KIAA1671: variants seen among roughly 807,000 people sequenced by gnomAD.
KIAA1671 encodes the protein KIAA1671.
KIAA1671 carries 52 observed loss-of-function variants against 131.2 expected under a neutral mutation model. That is an observed-to-expected ratio of 0.40 (90% CI 0.32 to 0.50). The LOEUF (loss-of-function observed/expected upper bound fraction) is 0.50. Among genes scored for constraint, KIAA1671 ranks in the 20% least tolerant of loss-of-function variants. KIAA1671 has a pLI of 0.73. For missense variants in KIAA1671, 2,360 were observed against 2,364.2 expected, an observed-to-expected ratio of 1.00 and a Z score of 0.04; for synonymous variants, 1,003 against 961.6, an observed-to-expected ratio of 1.04 and a Z score of -0.80.
Position 25,116,986 on chromosome 22 carries a change from G to A in KIAA1671, c.4531-53834G>A, listed in dbSNP as rs984352486. 3.9e-4 allele frequency among the ~76,000 whole-genome samples: 60 copies of A among 152,128 alleles called. 1 individual carries two copies. Among genetic ancestry groups the A allele is most frequent in the African/African-American group, 1.4e-3 (60 of 41,410 alleles). On this transcript the variant is annotated intron_variant, in intron 6 of 12. Coordinates refer to ENST00000358431, the MANE Select transcript of KIAA1671 (RefSeq NM_001145206.2). ...TAATGATATATTGGGCTACATAATT[G>A]TTTATGGCTGTGGGGGGTAAGGGGT... is the stretch of plus-strand genomic sequence containing the variant.
rs116905458 is a variant in KIAA1671 at position 25,117,454 on chromosome 22, A to G, written c.4531-53366A>G. ...CCACACCCTGCACTGGGGATTCACT[A>G]TTAAACATCGGCCCCAGAGCTGAGC... On this transcript the variant is annotated intron_variant, in intron 6 of 12. Transcript: ENST00000358431. Among the ~76,000 whole-genome samples, 1,195 of 152,210 alleles carry G rather than the reference A, an allele frequency of 7.9e-3. 10 individuals are homozygous for G. Among genetic ancestry groups the G allele is most frequent in the Non-Finnish European group, 0.013 (906 of 67,986 alleles).
rs1934814514 is a variant in KIAA1671, at chr22:25,195,982, C to A, written c.*3581C>A. 1 of 152,090 alleles carries A rather than the reference C, an allele frequency of 6.6e-6. No homozygotes were observed. Among genetic ancestry groups the A allele is most frequent in the Non-Finnish European group, 1.5e-5 (1 of 68,056 alleles). The allele number at this position is 152,090 out of a possible 1,614,324, so 9.4% of individuals were successfully genotyped here. The stretch of plus-strand genomic sequence containing the variant: ...ATCTAAAGGGGATCTGCTTTGGGCT[C>A]GGTCCCATTAGCGAGTGGGGGACTC... On this transcript the variant is annotated 3_prime_UTR_variant, in exon 13 of 13. Transcript: ENST00000358431.
rs1215946773 is a variant in KIAA1671 at position 25,177,393 on chromosome 22, C to G, written c.4945C>G (p.Leu1649Val). The G allele has an allele frequency of 6.4e-7, 1 of 1,551,820 alleles. No homozygotes were observed. The highest frequency in any genetic ancestry group is 8.7e-7 in the Non-Finnish European group (1 of 1,147,040). Reference protein sequence around the residue: ...DSSALKTRVQLSKRSRRRAPI... With the variant: ...DSSALKTRVQVSKRSRRRAPI... ...AAGTGCCCTCAAGACCCGGGTGCAG[C>G]TCAGCAAGAGAAGCCGCCGCCGGGC... Residue 1649 changes from leucine to valine, a missense_variant, in exon 9 of 13, where the codon CTC (leucine) becomes GTC (valine). Leu to Val is a conservative substitution (Grantham distance 32, BLOSUM62 1). This residue lies in a region of KIAA1671 where 1,161 missense variants were observed against 1,204.7 expected (regional missense o/e 0.96). Transcript: ENST00000358431.
Position 25,028,666 on chromosome 22 carries a change from A to C in KIAA1671, c.667A>C (p.Ser223Arg). Reference sequence around the variant, plus strand: ...AGACCATCCTCCCTCAAAGGCCAGCAGTGTGGAGGACACGGCACGCCCCCT... The same window carrying C: ...AGACCATCCTCCCTCAAAGGCCAGCCGTGTGGAGGACACGGCACGCCCCCT... Reference protein sequence around the residue: ...GQDHPPSKASSVEDTARPLVE... With the variant: ...GQDHPPSKASRVEDTARPLVE... Residue 223 changes from serine to arginine, a missense_variant, in exon 3 of 13, where the codon AGT (serine) becomes CGT (arginine). Ser to Arg is a moderately radical substitution (Grantham distance 110). Coordinates refer to ENST00000358431, the MANE Select transcript of KIAA1671 (RefSeq NM_001145206.2). 2 of 1,551,156 alleles carry C rather than the reference A, an allele frequency of 1.3e-6. No individual in the cohort carries two copies. Among genetic ancestry groups the C allele is most frequent in the South Asian group, 2.4e-5 (2 of 84,064 alleles).
chr22:25,028,918 G>C lies in KIAA1671; in HGVS notation c.919G>C (p.Gly307Arg). The C allele has an allele frequency of 1.3e-6, 2 of 1,551,634 alleles. No homozygotes were observed. Among genetic ancestry groups the C allele is most frequent in the Admixed American group, 3.9e-5 (2 of 50,984 alleles). Residue 307 changes from glycine to arginine, a missense_variant, in exon 3 of 13, where the codon GGA (glycine) becomes CGA (arginine). By Grantham distance (125) the Gly-to-Arg change is moderately radical. Coordinates refer to ENST00000358431, the MANE Select transcript of KIAA1671 (RefSeq NM_001145206.2). ...LLRKVADEGS[G>R]PTAGDMAGLE... ...GAGGAAGGTGGCCGATGAAGGAAGT[G>C]GACCCACAGCAGGGGATATGGCTGG...
intron 6 of KIAA1671, among the ~76,000 whole-genome samples, chr22:25,167,612 G>A (rs544499498): frequency 2.6e-5 from 4 of 152,264 alleles, no homozygotes; most frequent in Admixed American, 6.5e-5. Flanking sequence ...GTGATTTTCC[G>A]TTACTCCTAA....
intron 6 of KIAA1671, among the ~76,000 whole-genome samples, chr22:25,158,991 T>C (rs1933342893): frequency 6.6e-6 from 1 of 152,186 alleles, no homozygotes; most frequent in African/African-American, 2.4e-5. Context: ...TAGGTGTTTG[T>C]GGCTGTTACT....
intron 1 of KIAA1671, among the ~76,000 whole-genome samples, chr22:24,973,454 A>C (rs192150811): frequency 7.8e-6 from 1 of 128,914 alleles, no homozygotes; most frequent in Non-Finnish European, 1.6e-5. Context: ...GCTGGAGTGC[A>C]ATGGCGTGAT....
At chr22:25,080,058 A>G (rs1193128463) in intron 6 of KIAA1671, among the ~76,000 whole-genome samples, 1 of 152,190 alleles carries the variant, frequency 6.6e-6, no homozygotes, top group Non-Finnish European at 1.5e-5. Flanking sequence ...TGAGTCATGG[A>G]TGACCCTGAG....
chr22:24,988,373 T>C (rs988574067), intron 1 of KIAA1671, among the ~76,000 whole-genome samples: 2 of 151,854 alleles, frequency 1.3e-5, no homozygotes, highest in African/African-American at 4.8e-5. Context: ...TGACCCCCGC[T>C]CAGTGGGAAG....
In KIAA1671 at chr22:24,958,166, G is replaced by C. The variant is rs898523752; in HGVS notation, c.-208+5394G>C. Among the ~76,000 whole-genome samples, 4 of 151,902 alleles carry C rather than the reference G, an allele frequency of 2.6e-5. No homozygotes were observed. In the East Asian group the frequency reaches 7.7e-4, roughly 29 times the overall value. On this transcript the variant is annotated intron_variant, in intron 1 of 12. Coordinates refer to ENST00000358431, the MANE Select transcript of KIAA1671 (RefSeq NM_001145206.2). ...AAGCCATGCCCTTCCCACTTGCATG[G>C]CTCCCAACACAAGGAGGGGTGCTTC...
At chr22:25,177,250 C>G in intron 8 of KIAA1671, 98 bp from the exon 9 acceptor site, 1 of 1,172,272 alleles carries the variant, frequency 8.5e-7, no homozygotes, top group Non-Finnish European at 1.2e-6. Flanking sequence ...AATAGCCTCT[C>G]ATCTGTCAAC....
intron 1 of KIAA1671, among the ~76,000 whole-genome samples, chr22:25,018,155 G>A (rs1017698767): frequency 2.6e-5 from 4 of 151,934 alleles, no homozygotes; most frequent in African/African-American, 7.3e-5. Context: ...CCCCATCAGG[G>A]CACCTCCCAA....
chr22:25,190,252 C>T (rs919602370), intron 11 of KIAA1671, among the ~76,000 whole-genome samples: 1 of 152,090 alleles, frequency 6.6e-6, no homozygotes, highest in African/African-American at 2.4e-5. Context: ...TCATGAGAAG[C>T]TCGCAACCTA....
intron 6 of KIAA1671, among the ~76,000 whole-genome samples, chr22:25,126,985 T>C (rs936990775): frequency 1.3e-4 from 20 of 152,230 alleles, no homozygotes; most frequent in Admixed American, 3.3e-4. Context: ...ACACTGGCTA[T>C]GGGCCTCAGT....
chr22:25,017,318 G>C (rs886628211), intron 1 of KIAA1671, among the ~76,000 whole-genome samples: 1 of 152,174 alleles, frequency 6.6e-6, no homozygotes, highest in African/African-American at 2.4e-5. Flanking sequence ...AGAAGGCAGA[G>C]GCTGCAGTGA....
chr22:25,039,611 G>C lies in KIAA1671; in HGVS notation c.2481G>C (p.Val827=). 1.3e-6 allele frequency: 2 copies of C among 1,551,190 alleles called. No homozygotes were observed. The highest frequency in any genetic ancestry group is 1.7e-6 in the Non-Finnish European group (2 of 1,146,586). The change falls in exon 5 of 13, where the codon GTG becomes GTC. Residue 827 remains valine, a synonymous_variant. Coordinates refer to ENST00000358431, the MANE Select transcript of KIAA1671 (RefSeq NM_001145206.2). ...CPFPKWTGGA[V]VSSHKATVAV... ...TTCCCAAATGGACAGGCGGGGCAGT[G>C]GTGAGCTCGCACAAAGCCACCGTGG...
At chr22:25,137,973 G>T (rs1436535238) in intron 6 of KIAA1671, among the ~76,000 whole-genome samples, 1 of 152,202 alleles carries the variant, frequency 6.6e-6, no homozygotes, top group South Asian at 2.1e-4. Context: ...AATATGCCAA[G>T]TGAATGGCTG....
At chr22:25,188,301 A>AAAACAAGC (rs1934544682) in intron 11 of KIAA1671, among the ~76,000 whole-genome samples, 1 of 151,568 alleles carries the variant, frequency 6.6e-6, no homozygotes, top group Admixed American at 6.6e-5. Context: ...ACTCCGTCTC[A>AAAACAAGC]AAACAAACAA....
Sources: gnomAD v4.1 joint callset for allele counts (sites outside exome capture counted in the v4.1 genomes callset) on GRCh38, gnomAD v4.1.1 for gene constraint, gnomAD v4.1.1 regional missense constraint, MANE v1.5 for transcripts, NCBI Gene and HGNC (gene_info 2026-07-23, HGNC 2026-07-21) for gene names.